OR10J1: variants seen among roughly 807,000 people sequenced by gnomAD.
OR10J1 encodes the protein olfactory receptor 10J1.
For missense variants in OR10J1, 474 were observed against 376.6 expected, an observed-to-expected ratio of 1.26 and a Z score of -2.14; for synonymous variants, 202 against 143.8, an observed-to-expected ratio of 1.40 and a Z score of -2.89.
chr1:159,416,144 A>G, the OR10J1 span, among the ~76,000 whole-genome samples: 1 of 151,798 alleles, frequency 6.6e-6, no homozygotes, highest in African/African-American at 2.4e-5. Flanking sequence ...TGACAATTTG[A>G]TTTATTCTTG....
the OR10J1 span, among the ~76,000 whole-genome samples, chr1:159,425,985 A>G: frequency 7.9e-5 from 12 of 152,168 alleles, no homozygotes; most frequent in South Asian, 8.3e-4. Flanking sequence ...CTTAAATTCT[A>G]TATTTGGATT....
chr1:159,413,303 T>A, the OR10J1 span, among the ~76,000 whole-genome samples: 2 of 151,914 alleles, frequency 1.3e-5, no homozygotes, highest in African/African-American at 4.8e-5. Context: ...GATCTAGAAC[T>A]AGAAATACCA....
the OR10J1 span, among the ~76,000 whole-genome samples, chr1:159,419,442 G>C: frequency 5.9e-5 from 9 of 152,238 alleles, no homozygotes; most frequent in Non-Finnish European, 1.0e-4. Flanking sequence ...CAAGTTTTCT[G>C]TCTTGCTTGC....
the OR10J1 span, among the ~76,000 whole-genome samples, chr1:159,412,392 C>T: frequency 5.3e-5 from 8 of 150,310 alleles, no homozygotes; most frequent in Admixed American, 1.3e-4. Flanking sequence ...AATCCTAAGC[C>T]AAAAGAACAA....
the OR10J1 span, among the ~76,000 whole-genome samples, chr1:159,420,104 C>T: frequency 6.6e-6 from 1 of 152,038 alleles, no homozygotes; most frequent in Non-Finnish European, 1.5e-5. Flanking sequence ...CTGTTTTTGA[C>T]TTAAAGTCTG....
the OR10J1 span, among the ~76,000 whole-genome samples, chr1:159,413,657 G>T: frequency 1.3e-5 from 2 of 149,088 alleles, no homozygotes; most frequent in East Asian, 4.0e-4. Context: ...CATGGACACA[G>T]GAAGGGGAAC....
the OR10J1 span, among the ~76,000 whole-genome samples, chr1:159,424,563 G>T: frequency 6.6e-6 from 1 of 151,438 alleles, no homozygotes; most frequent in Non-Finnish European, 1.5e-5. Context: ...TCAATGAGAT[G>T]AAAGAACTGA....
the OR10J1 span, among the ~76,000 whole-genome samples, chr1:159,414,999 A>C: frequency 6.6e-6 from 1 of 152,056 alleles, no homozygotes; most frequent in East Asian, 1.9e-4. Flanking sequence ...ATAGTTTGCA[A>C]ATATATACTC....
the OR10J1 span, among the ~76,000 whole-genome samples, chr1:159,426,231 T>C: frequency 1.3e-5 from 2 of 151,920 alleles, no homozygotes; most frequent in Non-Finnish European, 2.9e-5. Flanking sequence ...TAAATATGAA[T>C]GGATTAAGCT....
At chr1:159,413,994 G>T in the OR10J1 span, among the ~76,000 whole-genome samples, 5 of 151,856 alleles carry the variant, frequency 3.3e-5, no homozygotes, top group African/African-American at 1.2e-4. Flanking sequence ...TATTTATGGG[G>T]TACATGTGAG....
At chr1:159,430,703 A>C in the OR10J1 span, among the ~76,000 whole-genome samples, 13 of 145,634 alleles carry the variant, frequency 8.9e-5, no homozygotes, top group African/African-American at 3.2e-4. Flanking sequence ...CCAAGCATAC[A>C]AATGGAACCC....
At chr1:159,403,305 C>A in the OR10J1 span, among the ~76,000 whole-genome samples, 4,032 of 152,128 alleles carry the variant, frequency 0.027, 174 homozygotes, top group African/African-American at 0.092. Context: ...GTAAAGTATA[C>A]ATTCGACAAA....
chr1:159,398,144 A>G, the OR10J1 span, among the ~76,000 whole-genome samples: 1 of 152,214 alleles, frequency 6.6e-6, no homozygotes, highest in African/African-American at 2.4e-5. Context: ...ACCCAAGACC[A>G]TCAAGGCAAT....
At chr1:159,409,936 T>C in the OR10J1 span, among the ~76,000 whole-genome samples, 3 of 152,118 alleles carry the variant, frequency 2.0e-5, no homozygotes, top group African/African-American at 7.2e-5. Flanking sequence ...AAAGGCCTTT[T>C]CTGCATCTAT....
the OR10J1 span, chr1:159,432,599 G>A: frequency 2.1e-6 from 1 of 470,002 alleles, no homozygotes; most frequent in Non-Finnish European, 3.9e-6. Flanking sequence ...ACCCTCTACA[G>A]TATTCAGTCA....
the OR10J1 span, among the ~76,000 whole-genome samples, chr1:159,415,807 T>C: frequency 6.6e-6 from 1 of 152,160 alleles, no homozygotes; most frequent in Admixed American, 6.6e-5. Flanking sequence ...AATTAATTGT[T>C]TAATTTATGA....
the OR10J1 span, among the ~76,000 whole-genome samples, chr1:159,419,354 G>T: frequency 1.3e-5 from 2 of 152,132 alleles, no homozygotes; most frequent in Non-Finnish European, 2.9e-5. Flanking sequence ...ATGGGGGTGG[G>T]TCTTTCCCAT....
the OR10J1 span, among the ~76,000 whole-genome samples, chr1:159,430,053 C>T: frequency 2.1e-4 from 32 of 152,142 alleles, 1 homozygote; most frequent in East Asian, 3.5e-3. Flanking sequence ...AATGTGACCT[C>T]GTGGCCCTCA....
chr1:159,420,409 C>T, the OR10J1 span, among the ~76,000 whole-genome samples: 1 of 151,954 alleles, frequency 6.6e-6, no homozygotes, highest in Non-Finnish European at 1.5e-5. Context: ...CTTTCTTTCT[C>T]TCTTGTTGTT....
Sources: allele counts gnomAD v4.1 joint callset (sites outside exome capture counted in the v4.1 genomes callset), GRCh38; gene constraint gnomAD v4.1.1; transcripts MANE v1.5; gene names NCBI Gene and HGNC (gene_info 2026-07-23, HGNC 2026-07-21).